Variants in FHIP1A observed in about 807,000 individuals in gnomAD.
FHIP1A encodes the protein FHF complex subunit HOOK-interacting protein 1A.
Under a neutral mutation model 88.6 loss-of-function variants are expected in FHIP1A, and 61 were observed. That is an observed-to-expected ratio of 0.69 (90% CI 0.56 to 0.85). The LOEUF (loss-of-function observed/expected upper bound fraction) is 0.85. Among genes scored for constraint, FHIP1A ranks in the 40% least tolerant of loss-of-function variants. The probability of loss-of-function intolerance (pLI) is 0.00; values close to 1 mark genes in which losing one functional copy is unlikely to be tolerated. For synonymous variants in FHIP1A, 478 were observed against 496.0 expected, an observed-to-expected ratio of 0.96 and a Z score of 0.48; for missense variants, 1,154 against 1,273.5, an observed-to-expected ratio of 0.91 and a Z score of 1.43.
At chr4:151,652,989 T>G (rs1039285495) in intron 11 of FHIP1A, among the ~76,000 whole-genome samples, 25 of 152,074 alleles carry the variant, frequency 1.6e-4, no homozygotes, top group African/African-American at 5.8e-4. Flanking sequence ...GGTAGGAGTG[T>G]GGGGAGAGCA....
chr4:151,507,722 T>C (rs1730884625), intron 3 of FHIP1A, among the ~76,000 whole-genome samples: 1 of 152,204 alleles, frequency 6.6e-6, no homozygotes, highest in Admixed American at 6.5e-5. Context: ...GAAAAATCCC[T>C]ACTGCTCTCC....
In FHIP1A at chr4:151,588,942, A is replaced by G. The variant is rs1425885195; in HGVS notation, c.978+16A>G. 8.8e-6 allele frequency: 13 copies of G among 1,477,844 alleles called. No individual in the cohort carries two copies. The highest frequency in any genetic ancestry group is 1.0e-5 in the Non-Finnish European group (11 of 1,079,960). 91.5% of individuals were successfully genotyped at this position (1,477,844 alleles called of 1,614,324 possible). A position where few individuals can be genotyped will look rare whatever the true frequency, so the allele number is the denominator to read the frequency against. On this transcript the variant is annotated intron_variant, in intron 7 of 13. Transcript: ENST00000435205. Reference sequence around the variant, plus strand: ...TCTCCATAAGGTCAGTGATTGGCTCATGTAATCTTCTGTCTCTATAATACA... The same window carrying G: ...TCTCCATAAGGTCAGTGATTGGCTCGTGTAATCTTCTGTCTCTATAATACA...
chr4:151,524,206 G>A (rs1455731538), intron 3 of FHIP1A, among the ~76,000 whole-genome samples: 1 of 152,024 alleles, frequency 6.6e-6, no homozygotes, highest in African/African-American at 2.4e-5. Flanking sequence ...GGAGGCTGAG[G>A]CAGGAGAATC....
chr4:151,542,047 C>T (rs1732314438), intron 3 of FHIP1A, among the ~76,000 whole-genome samples: 1 of 152,108 alleles, frequency 6.6e-6, no homozygotes, highest in Admixed American at 6.5e-5. Context: ...CCTCTCCTTT[C>T]CTGTTAAGAG....
chr4:151,634,067 G>A (rs898559708), intron 8 of FHIP1A, among the ~76,000 whole-genome samples: 23 of 151,742 alleles, frequency 1.5e-4, no homozygotes, highest in African/African-American at 5.3e-4. Flanking sequence ...ACTAACAAGC[G>A]AGTTCAGTAA....
chr4:151,450,044 A>G (rs1425278877), intron 1 of FHIP1A, among the ~76,000 whole-genome samples: 1 of 152,154 alleles, frequency 6.6e-6, no homozygotes, highest in Admixed American at 6.6e-5. Context: ...TACAAATAAG[A>G]TGTACTTTGA....
At chr4:151,515,066 G>T (rs1302394387) in intron 3 of FHIP1A, among the ~76,000 whole-genome samples, 2 of 152,026 alleles carry the variant, frequency 1.3e-5, no homozygotes, top group African/African-American at 4.8e-5. Context: ...TAAAATACTG[G>T]CAAACTGAAT....
Position 151,526,932 on chromosome 4 carries a change from C to T in FHIP1A, c.-122-39206C>T, listed in dbSNP as rs528932429. ...CCCCACATCTCAGACAATGGGCGGC[C>T]GGGCAGAGACGCTCCTCACTTCCCA... On this transcript the variant is annotated intron_variant, in intron 3 of 13. Transcript: ENST00000435205. Among the ~76,000 whole-genome samples the T allele has an allele frequency of 1.2e-4, 18 of 151,274 alleles. No individual in the cohort carries two copies. In the East Asian group the frequency reaches 2.8e-3, roughly 23 times the overall value.
chr4:151,594,775 G>A (rs1367752378), intron 7 of FHIP1A, among the ~76,000 whole-genome samples: 17 of 152,018 alleles, frequency 1.1e-4, no homozygotes, highest in East Asian at 5.8e-4. Context: ...GGGTTTCACC[G>A]TGTTAGCCAG....
At chr4:151,552,893 C>T (rs1732801718) in intron 3 of FHIP1A, among the ~76,000 whole-genome samples, 2 of 151,504 alleles carry the variant, frequency 1.3e-5, no homozygotes, top group South Asian at 4.2e-4. Flanking sequence ...TCCATTTCTC[C>T]CGGGTGTGTG....
At chr4:151,541,913 C>T (rs1474547358) in intron 3 of FHIP1A, among the ~76,000 whole-genome samples, 2 of 152,144 alleles carry the variant, frequency 1.3e-5, no homozygotes, top group Non-Finnish European at 2.9e-5. Flanking sequence ...ATTGCTTATG[C>T]AGAGTACAAT....
chr4:151,563,013 C>T (rs1307704472), intron 3 of FHIP1A, among the ~76,000 whole-genome samples: 1 of 151,900 alleles, frequency 6.6e-6, no homozygotes, highest in South Asian at 2.1e-4. Context: ...TGAAAAACAG[C>T]AAATAAAAAT....
At chr4:151,598,115 G>C (rs903753518) in intron 7 of FHIP1A, among the ~76,000 whole-genome samples, 1 of 152,106 alleles carries the variant, frequency 6.6e-6, no homozygotes, top group Admixed American at 6.5e-5. Flanking sequence ...CTCAGTGTCT[G>C]CCCAAATGGC....
chr4:151,485,599 T>TC (rs1730055329), intron 3 of FHIP1A, among the ~76,000 whole-genome samples: 1 of 151,482 alleles, frequency 6.6e-6, no homozygotes, highest in Non-Finnish European at 1.5e-5. Flanking sequence ...GAGTTTTTTT[T>TC]TTTTTTTTTG....
intron 4 of FHIP1A, among the ~76,000 whole-genome samples, chr4:151,570,463 A>G (rs1383802910): frequency 7.2e-6 from 1 of 138,530 alleles, no homozygotes; most frequent in Non-Finnish European, 1.7e-5. Context: ...TTATATTTTT[A>G]GAGAGAGAGT....
At chr4:151,545,087 G>A (rs1732441348) in intron 3 of FHIP1A, among the ~76,000 whole-genome samples, 1 of 152,150 alleles carries the variant, frequency 6.6e-6, no homozygotes, top group Admixed American at 6.5e-5. Context: ...AACAAAAAGT[G>A]TGGAAGTCCT....
intron 3 of FHIP1A, among the ~76,000 whole-genome samples, chr4:151,547,223 C>A (rs555507905): frequency 4.0e-5 from 6 of 150,118 alleles, no homozygotes; most frequent in African/African-American, 1.5e-4. Context: ...CCTGCAGATA[C>A]AGTGCTGGTG....
chr4:151,643,536 T>C (rs1353004282), intron 9 of FHIP1A, among the ~76,000 whole-genome samples: 1 of 152,234 alleles, frequency 6.6e-6, no homozygotes, highest in Non-Finnish European at 1.5e-5. Context: ...TCTACTGTAC[T>C]ATTAAATACT....
chr4:151,592,542 A>G (rs748895609), intron 7 of FHIP1A, among the ~76,000 whole-genome samples: 2 of 151,964 alleles, frequency 1.3e-5, no homozygotes, highest in African/African-American at 2.4e-5. Context: ...TTTTTTTCAT[A>G]TGTTCTTTGG....
Sources: allele counts gnomAD v4.1 joint callset (sites outside exome capture counted in the v4.1 genomes callset), GRCh38; gene constraint gnomAD v4.1.1; transcripts MANE v1.5; gene names NCBI Gene and HGNC (gene_info 2026-07-23, HGNC 2026-07-21).